SLC38A11: variants seen among roughly 807,000 people sequenced by gnomAD.
The protein encoded by SLC38A11 is putative sodium-coupled neutral amino acid transporter 11.
Under a neutral mutation model 49.4 loss-of-function variants are expected in SLC38A11, and 51 were observed. The ratio of observed to expected loss-of-function variants is 1.03; its 90% CI spans 0.83 to 1.30. The LOEUF (loss-of-function observed/expected upper bound fraction) is 1.30, where lower values mean the gene tolerates loss of function less well. Among genes scored for constraint, SLC38A11 ranks in the 50% most tolerant of loss-of-function variants. SLC38A11 has a pLI of 0.00. For synonymous variants in SLC38A11, 203 were observed against 192.9 expected (o/e 1.05, Z -0.43); for missense variants, 574 against 556.2 (o/e 1.03, Z -0.32).
At chr2:164,940,244 A>G (rs1287870023) in intron 5 of SLC38A11, among the ~76,000 whole-genome samples, 1 of 147,048 alleles carries the variant, frequency 6.8e-6, no homozygotes, top group Non-Finnish European at 1.5e-5. Flanking sequence ...ATATATATAT[A>G]TATATATATA....
intron 11 of SLC38A11, among the ~76,000 whole-genome samples, chr2:164,902,321 G>C (rs1684710973): frequency 1.3e-5 from 2 of 151,906 alleles, no homozygotes; most frequent in Admixed American, 1.3e-4. Context: ...GCACCCAGCT[G>C]TTCATGTGGT....
rs948458981 is a variant in SLC38A11 at position 164,898,270 on chromosome 2, A to G, written c.*167T>C. On this transcript the variant is annotated 3_prime_UTR_variant, in exon 12 of 12. Transcript: ENST00000685975. ...TTTGTTCCAGTTAAAGGTGAAATACATTCAATTTTTCTTTTCTTTATCTTT... is the reference window on the plus strand; with the variant it reads ...TTTGTTCCAGTTAAAGGTGAAATACGTTCAATTTTTCTTTTCTTTATCTTT... The G allele has an allele frequency of 1.7e-6, 1 of 573,798 alleles. No homozygotes were observed. Among genetic ancestry groups the G allele is most frequent in the Non-Finnish European group, 3.1e-6 (1 of 327,474 alleles). 35.5% of individuals were successfully genotyped at this position (573,798 alleles called of 1,614,324 possible).
At chr2:164,945,874 T>G in intron 3 of SLC38A11, 147 bp from the exon 4 acceptor site, 1 of 832,518 alleles carries the variant, frequency 1.2e-6, no homozygotes, top group Non-Finnish European at 1.8e-6. Flanking sequence ...GCTAACTTTC[T>G]TTTCATAAAA....
Position 164,897,022 on chromosome 2 carries a change from A to C in SLC38A11, c.*1415T>G, listed in dbSNP as rs1684389314. On this transcript the variant is annotated 3_prime_UTR_variant, in exon 12 of 12. Coordinates refer to ENST00000685975, the MANE Select transcript of SLC38A11 (RefSeq NM_001351537.2). ...CAGATGGACAACCTGATTGGAATAC[A>C]AATGAAATGAAAATCTTAGGTGATA... 1.3e-5 allele frequency: 2 copies of C among 152,162 alleles called. No individual in the cohort carries two copies. Among genetic ancestry groups the C allele is most frequent in the Non-Finnish European group, 2.9e-5 (2 of 68,034 alleles). The allele number at this position is 152,162 out of a possible 1,614,324, so 9.4% of individuals were successfully genotyped here. A position where few individuals can be genotyped will look rare whatever the true frequency, so the allele number is the denominator to read the frequency against.
intron 7 of SLC38A11, among the ~76,000 whole-genome samples, chr2:164,933,910 TC>T (rs1687181827): frequency 6.6e-6 from 1 of 152,134 alleles, no homozygotes; most frequent in Admixed American, 6.6e-5. Flanking sequence ...AAAACATACT[TC>T]TTTAACATCT....
intron 7 of SLC38A11, among the ~76,000 whole-genome samples, chr2:164,920,058 A>G (rs1471450019): frequency 6.6e-6 from 1 of 152,130 alleles, no homozygotes; most frequent in Non-Finnish European, 1.5e-5. Flanking sequence ...GGTGGGTCAC[A>G]AGGTCAGGAG....
intron 7 of SLC38A11, among the ~76,000 whole-genome samples, chr2:164,919,678 AAATT>A (rs1270250884): frequency 1.3e-5 from 2 of 152,222 alleles, no homozygotes; most frequent in Admixed American, 1.3e-4. Flanking sequence ...TATATAATTT[AAATT>A]ATCTCTAGAT....
rs186508066 is a variant in SLC38A11, at chr2:164,904,466, A to G, written c.1095+4174T>C. Among the ~76,000 whole-genome samples the G allele has an allele frequency of 2.8e-3, 424 of 152,266 alleles. 5 individuals carry two copies. The highest frequency in any genetic ancestry group is 0.013 in the Admixed American group (195 of 15,276). ...TTTTAATTCAATAACTATTACCTCA[A>G]TTCATTTTATTCTATATTATTTGGT... On this transcript the variant is annotated intron_variant, in intron 11 of 11. Transcript: ENST00000685975.
rs113309511 is a variant in SLC38A11, at chr2:164,946,953, C to A, written c.230-1226G>T. ...TCTGCTCTTTCGGAACACTGTTTCT[C>A]GTTGTCGTTGTTGATCATTCCTTTT... On this transcript the variant is annotated intron_variant, in intron 3 of 11. Coordinates refer to ENST00000685975, the MANE Select transcript of SLC38A11 (RefSeq NM_001351537.2). 2.0e-5 allele frequency among the ~76,000 whole-genome samples: 3 copies of A among 151,982 alleles called. No individual in the cohort carries two copies. The East Asian group carries it at 5.8e-4, about 29-fold the overall frequency.
intron 2 of SLC38A11, among the ~76,000 whole-genome samples, chr2:164,953,620 A>G (rs1239494424): frequency 1.3e-5 from 2 of 151,980 alleles, no homozygotes; most frequent in Non-Finnish European, 2.9e-5. Context: ...AGGTAACTCC[A>G]TTTTATGTAT....
chr2:164,916,630 A>G (rs1042427474), intron 7 of SLC38A11, among the ~76,000 whole-genome samples: 1 of 152,014 alleles, frequency 6.6e-6, no homozygotes, highest in Non-Finnish European at 1.5e-5. Flanking sequence ...TGGTTTATTC[A>G]CTCCCATGTT....
chr2:164,915,020 A>G, intron 9 of SLC38A11, 92 bp downstream of exon 9: 1 of 1,157,718 alleles, frequency 8.6e-7, no homozygotes, highest in Non-Finnish European at 1.2e-6. Flanking sequence ...TTTGAAATAG[A>G]ACACTGGGCA....
chr2:164,947,890 A>G (rs1291384665), intron 3 of SLC38A11, among the ~76,000 whole-genome samples: 1 of 152,154 alleles, frequency 6.6e-6, no homozygotes, highest in African/African-American at 2.4e-5. Flanking sequence ...GAGTACTGCA[A>G]TAACCCCCTA....
At chr2:164,955,186 A>G in intron 1 of SLC38A11, 23 bp downstream of exon 1, 2 of 1,547,158 alleles carry the variant, frequency 1.3e-6, no homozygotes, top group African/African-American at 1.4e-5. Context: ...TGGCTTCAGA[A>G]CCTGCCTAGT....
Position 164,939,479 on chromosome 2 carries a change from A to C in SLC38A11, c.508T>G (p.Leu170Val). ...CCAAGCTTTGCTATATTTCGGTACA[A>C]GGATAAAGGCAGAGTAAAGGTAACT... ...STVTFTLPLS[L>V]YRNIAKLGKV... Residue 170 changes from leucine to valine, a missense_variant, in exon 6 of 12, where the codon TTG (leucine) becomes GTG (valine). Physicochemically the swap from Leu to Val is conservative, Grantham distance 32. Transcript: ENST00000685975. 1.2e-6 allele frequency: 2 copies of C among 1,608,878 alleles called. No individual in the cohort carries two copies. Among genetic ancestry groups the C allele is most frequent in the Non-Finnish European group, 1.7e-6 (2 of 1,177,106 alleles).
intron 7 of SLC38A11, among the ~76,000 whole-genome samples, chr2:164,920,713 G>C (rs1332717822): frequency 6.6e-6 from 1 of 152,010 alleles, no homozygotes; most frequent in African/African-American, 2.4e-5. Flanking sequence ...TACCGAGAAT[G>C]CTCCAACAAA....
At chr2:164,929,978 T>C (rs895513784) in intron 7 of SLC38A11, among the ~76,000 whole-genome samples, 2 of 151,636 alleles carry the variant, frequency 1.3e-5, no homozygotes, top group African/African-American at 4.8e-5. Context: ...CGCTGTTTTT[T>C]TTTAAAATTC....
chr2:164,910,292 C>G (rs1205876224), intron 10 of SLC38A11, among the ~76,000 whole-genome samples: 1 of 152,064 alleles, frequency 6.6e-6, no homozygotes. Flanking sequence ...TGACTCAGAT[C>G]GTCTGCAGGC....
intron 9 of SLC38A11, among the ~76,000 whole-genome samples, chr2:164,914,603 G>A (rs1407850338): frequency 2.0e-5 from 3 of 151,750 alleles, no homozygotes. Flanking sequence ...CCGTTATCTG[G>A]GTGGTGTGGG....
Sources: allele counts gnomAD v4.1 joint callset (sites outside exome capture counted in the v4.1 genomes callset), GRCh38; gene constraint gnomAD v4.1.1; transcripts MANE v1.5; gene names NCBI Gene and HGNC (gene_info 2026-07-23, HGNC 2026-07-21).